HOMER1: variants seen among roughly 807,000 people sequenced by gnomAD.
HOMER1 encodes homer scaffold protein 1, also known as homer protein homolog 1.
In HOMER1, 3 loss-of-function variants were observed where a neutral mutation model predicts 48.9. That is an observed-to-expected ratio of 0.06 (90% CI 0.03 to 0.16). The LOEUF (loss-of-function observed/expected upper bound fraction) is 0.16. Ranked by LOEUF, HOMER1 falls within the 10% of genes least tolerant of loss-of-function variation. The pLI is 1.00. For missense variants in HOMER1, 247 were observed against 411.4 expected, an observed-to-expected ratio of 0.60 and a Z score of 3.46; for synonymous variants, 134 against 146.4, an observed-to-expected ratio of 0.92 and a Z score of 0.61.
At chr5:79,504,986 T>A (rs1489530077) in intron 1 of HOMER1, among the ~76,000 whole-genome samples, 1 of 152,112 alleles carries the variant, frequency 6.6e-6, no homozygotes, top group Non-Finnish European at 1.5e-5. Context: ...CTATTAAGAC[T>A]CCCCAACTAG....
At chr5:79,379,634 G>A (rs1748913957) in intron 8 of HOMER1, among the ~76,000 whole-genome samples, 1 of 150,158 alleles carries the variant, frequency 6.7e-6, no homozygotes, top group Admixed American at 6.8e-5. Context: ...TTGTACAGAA[G>A]GGGTCTCACT....
intron 1 of HOMER1, among the ~76,000 whole-genome samples, chr5:79,459,688 C>G (rs1331284220): frequency 6.6e-6 from 1 of 152,168 alleles, no homozygotes; most frequent in African/African-American, 2.4e-5. Flanking sequence ...CAGATGGTCC[C>G]TGCCCTTGAA....
At chr5:79,441,412 G>A (rs1466086109) in intron 4 of HOMER1, among the ~76,000 whole-genome samples, 2 of 152,042 alleles carry the variant, frequency 1.3e-5, no homozygotes, top group South Asian at 2.1e-4. Flanking sequence ...AACTTGGGGA[G>A]GCTACAAATG....
In HOMER1 at chr5:79,374,862, T is replaced by A. The variant is rs978369799; in HGVS notation, c.*1147A>T. ...CTGTTTTGAAATACCTAGTTAACAA[T>A]TCAGAATATTGCCTTGTGAGGTTTG... On this transcript the variant is annotated 3_prime_UTR_variant, in exon 9 of 9. Transcript: ENST00000334082. The A allele has an allele frequency of 6.6e-6, 1 of 152,072 alleles. No individual in the cohort carries two copies. Among genetic ancestry groups the A allele is most frequent in the Non-Finnish European group, 1.5e-5 (1 of 67,930 alleles). 9.4% of individuals were successfully genotyped at this position (152,072 alleles called of 1,614,324 possible).
At chr5:79,395,813 G>A (rs1749367931) in intron 8 of HOMER1, among the ~76,000 whole-genome samples, 2 of 152,114 alleles carry the variant, frequency 1.3e-5, no homozygotes, top group Admixed American at 6.6e-5. Context: ...CTTCATCTGG[G>A]TTATTATGAC....
intron 8 of HOMER1, among the ~76,000 whole-genome samples, chr5:79,377,413 T>C (rs12187625): frequency 0.38 from 57,543 of 152,164 alleles, 14,262 homozygotes; most frequent in Non-Finnish European, 0.56. Context: ...TATTACACTT[T>C]AAATAAGCAA....
chr5:79,403,552 A>G (rs1749585544), intron 5 of HOMER1, among the ~76,000 whole-genome samples: 1 of 152,190 alleles, frequency 6.6e-6, no homozygotes, highest in Non-Finnish European at 1.5e-5. Flanking sequence ...AATCTGTAAA[A>G]TAACTGAAAC....
At chr5:79,508,037 T>C (rs1036512629) in intron 1 of HOMER1, among the ~76,000 whole-genome samples, 10 of 152,228 alleles carry the variant, frequency 6.6e-5, no homozygotes, top group African/African-American at 2.4e-4. Context: ...AACTGTCCAC[T>C]TCCTCTACCC....
intron 1 of HOMER1, among the ~76,000 whole-genome samples, chr5:79,471,846 A>T (rs1751631278): frequency 6.6e-6 from 1 of 152,118 alleles, no homozygotes; most frequent in South Asian, 2.1e-4. Flanking sequence ...GCCCCCATCA[A>T]GGCCTTTGCC....
Position 79,372,906 on chromosome 5 carries a change from A to T in HOMER1, c.*3103T>A, listed in dbSNP as rs915464064. The stretch of plus-strand genomic sequence containing the variant: ...CCTTTTATTTCCACCTGAAAAAAAA[A>T]GTGAGCTTTTCCTCTAACTGCTTCC... On this transcript the variant is annotated 3_prime_UTR_variant, in exon 9 of 9. Transcript: ENST00000334082. The T allele has an allele frequency of 2.6e-5, 4 of 152,124 alleles. No individual in the cohort carries two copies. The highest frequency in any genetic ancestry group is 6.6e-5 in the Admixed American group (1 of 15,264). 9.4% of individuals were successfully genotyped at this position (152,124 alleles called of 1,614,324 possible).
At chr5:79,426,562 G>C (rs931172896) in intron 5 of HOMER1, among the ~76,000 whole-genome samples, 1 of 152,024 alleles carries the variant, frequency 6.6e-6, no homozygotes, top group Non-Finnish European at 1.5e-5. Flanking sequence ...GACAAATGTT[G>C]CATATTCTTA....
At position 79,482,115 on chromosome 5, in the gene HOMER1, G is replaced by C. The variant is rs192744385; in HGVS notation, c.6-25097C>G. ...TGTACATGTAGTCCCAGCTACTTGG[G>C]AGGCTGAGGTGGGAGGACCACTTGA... On this transcript the variant is annotated intron_variant, in intron 1 of 8. Coordinates refer to ENST00000334082, the MANE Select transcript of HOMER1 (RefSeq NM_004272.5). Among the ~76,000 whole-genome samples, 408 of 152,186 alleles carry C rather than the reference G, an allele frequency of 2.7e-3. 3 individuals carry two copies. The highest frequency in any genetic ancestry group is 9.3e-3 in the African/African-American group (385 of 41,500).
intron 1 of HOMER1, among the ~76,000 whole-genome samples, chr5:79,462,465 T>A (rs1327986542): frequency 1.3e-5 from 2 of 152,160 alleles, no homozygotes; most frequent in African/African-American, 4.8e-5. Flanking sequence ...TAAAACTTAC[T>A]ATGGATGTGG....
At chr5:79,407,663 A>G (rs1749701550) in intron 5 of HOMER1, among the ~76,000 whole-genome samples, 1 of 152,228 alleles carries the variant, frequency 6.6e-6, no homozygotes, top group Non-Finnish European at 1.5e-5. Context: ...GAAAAAAGAA[A>G]AAGAGTTTCT....
chr5:79,492,247 A>T lies in HOMER1; in HGVS notation c.5+20523T>A, dbSNP rs1752298070. On this transcript the variant is annotated intron_variant, in intron 1 of 8. Transcript: ENST00000334082. ...CCATCATCATGAAAGTGCCCATATAAAAAAAAATCCACATTGAGGCTGTAA... is the reference window on the plus strand; with the variant it reads ...CCATCATCATGAAAGTGCCCATATATAAAAAAATCCACATTGAGGCTGTAA... Among the ~76,000 whole-genome samples, 3 of 151,978 alleles carry T rather than the reference A, an allele frequency of 2.0e-5. No homozygotes were observed. The South Asian group carries it at 6.2e-4, about 32-fold the overall frequency.
Position 79,512,813 on chromosome 5 carries a change from A to T in HOMER1, c.-39T>A. 1 of 1,608,928 alleles carries T rather than the reference A, an allele frequency of 6.2e-7. No individual in the cohort carries two copies. Among genetic ancestry groups the T allele is most frequent in the Non-Finnish European group, 8.5e-7 (1 of 1,175,538 alleles). On this transcript the variant is annotated 5_prime_UTR_variant, in exon 1 of 9. Transcript: ENST00000334082. Reference sequence around the variant, plus strand: ...AACTTGCTCTGAAGTTTCAGCTCTTATGCTACGGAATAACTTCCAAAGGAA... The same window carrying T: ...AACTTGCTCTGAAGTTTCAGCTCTTTTGCTACGGAATAACTTCCAAAGGAA...
intron 5 of HOMER1, among the ~76,000 whole-genome samples, chr5:79,436,112 G>A (rs896468764): frequency 2.7e-4 from 41 of 149,556 alleles, no homozygotes; most frequent in African/African-American, 8.4e-4. Flanking sequence ...CGGCCTGGGC[G>A]ACAGAGCGAG....
chr5:79,467,810 C>T (rs1751514533), intron 1 of HOMER1, among the ~76,000 whole-genome samples: 1 of 151,982 alleles, frequency 6.6e-6, no homozygotes, highest in South Asian at 2.1e-4. Context: ...AGGGTTTTGC[C>T]CTGTTGCCCA....
chr5:79,507,702 C>T (rs1030869231), intron 1 of HOMER1, among the ~76,000 whole-genome samples: 1 of 125,860 alleles, frequency 7.9e-6, no homozygotes. Context: ...CAACTAAACA[C>T]TAAAGACTGA....
Sources: gnomAD v4.1 joint callset for allele counts (sites outside exome capture counted in the v4.1 genomes callset) on GRCh38, gnomAD v4.1.1 for gene constraint, MANE v1.5 for transcripts, NCBI Gene and HGNC (gene_info 2026-07-23, HGNC 2026-07-21) for gene names.